CERT1: variants seen among roughly 807,000 people sequenced by gnomAD.
CERT1 encodes the protein ceramide transfer protein.
In CERT1, 31 loss-of-function variants were observed where a neutral mutation model predicts 87.9. That is an observed-to-expected ratio of 0.35 (90% confidence interval 0.27 to 0.48). The LOEUF is 0.48. Among genes scored for constraint, CERT1 ranks in the 20% least tolerant of loss-of-function variants. The pLI is 0.99. For missense variants in CERT1, 487 were observed against 758.0 expected (o/e 0.64, Z 4.20); for synonymous variants, 289 against 250.9 (o/e 1.15, Z -1.44).
intron 3 of CERT1, among the ~76,000 whole-genome samples, chr5:75,447,094 G>A (rs1222244116): frequency 6.6e-6 from 1 of 152,234 alleles, no homozygotes; most frequent in Admixed American, 6.5e-5. Flanking sequence ...CACATGCACA[G>A]CTGCCTGCCA....
chr5:75,505,886 C>T (rs1428079188), intron 2 of CERT1, 96 bp downstream of exon 2: 1 of 896,790 alleles, frequency 1.1e-6, no homozygotes, highest in Non-Finnish European at 1.7e-6. Flanking sequence ...GGATCTTTAT[C>T]TTATCCACGG....
intron 3 of CERT1, among the ~76,000 whole-genome samples, chr5:75,436,437 T>C (rs1411814504): frequency 6.6e-6 from 1 of 152,220 alleles, no homozygotes; most frequent in Non-Finnish European, 1.5e-5. Flanking sequence ...TCTTCTTTTC[T>C]GAGACACAAT....
In CERT1 at chr5:75,411,006, C is replaced by G; in HGVS notation, c.930+5G>C. ...TTTCTCTAAGATCAAAATATAAATTCATACTTCATAATCTGGTCCTCCAAA... is the reference window on the plus strand; with the variant it reads ...TTTCTCTAAGATCAAAATATAAATTGATACTTCATAATCTGGTCCTCCAAA... On this transcript the variant is annotated splice_donor_5th_base_variant and intron_variant, in intron 8 of 16. Coordinates refer to ENST00000643780, the MANE Select transcript of CERT1 (RefSeq NM_001379029.1). 1.4e-6 allele frequency: 2 copies of G among 1,478,298 alleles called. No homozygotes were observed. The highest frequency in any genetic ancestry group is 1.9e-6 in the Non-Finnish European group (2 of 1,075,332). The allele number at this position is 1,478,298 out of a possible 1,614,324, so 91.6% of individuals were successfully genotyped here. A position where few individuals can be genotyped will look rare whatever the true frequency, so the allele number is the denominator to read the frequency against.
intron 1 of CERT1, among the ~76,000 whole-genome samples, chr5:75,506,545 G>A (rs1222980752): frequency 6.6e-6 from 1 of 152,160 alleles, no homozygotes. Flanking sequence ...TGACACCAAA[G>A]ACTGCATGAA....
chr5:75,460,941 A>C (rs982001894), intron 2 of CERT1, among the ~76,000 whole-genome samples: 5 of 152,218 alleles, frequency 3.3e-5, no homozygotes, highest in African/African-American at 1.2e-4. Flanking sequence ...TGCTAGAAAG[A>C]AGCAAAAGGG....
At chr5:75,429,643 C>T (rs1024471806) in intron 3 of CERT1, among the ~76,000 whole-genome samples, 1 of 151,878 alleles carries the variant, frequency 6.6e-6, no homozygotes, top group African/African-American at 2.4e-5. Context: ...CTAAACGCAC[C>T]CCTATACTGA....
At chr5:75,428,378 T>C (rs1344971966) in intron 3 of CERT1, among the ~76,000 whole-genome samples, 1 of 152,084 alleles carries the variant, frequency 6.6e-6, no homozygotes. Flanking sequence ...TGAACACACA[T>C]TAATTTTAAA....
chr5:75,415,787 A>G (rs569286332), intron 7 of CERT1, among the ~76,000 whole-genome samples: 10 of 151,004 alleles, frequency 6.6e-5, no homozygotes, highest in East Asian at 2.0e-4. Flanking sequence ...GTGAACAGGG[A>G]CTCTTCTAAT....
At chr5:75,464,918 C>T (rs115830414) in intron 2 of CERT1, among the ~76,000 whole-genome samples, 3 of 152,074 alleles carry the variant, frequency 2.0e-5, no homozygotes, top group Non-Finnish European at 4.4e-5. Flanking sequence ...CTTTCTCTGG[C>T]GCTGTAATTT....
At chr5:75,485,320 A>AAAAAAAAAAAAAAAAAAG (rs1766468896) in intron 2 of CERT1, among the ~76,000 whole-genome samples, 1 of 147,408 alleles carries the variant, frequency 6.8e-6, no homozygotes, top group Admixed American at 6.7e-5. Context: ...TACAAAAAAA[A>AAAAAAAAAAAAAAAAAAG]AAAAAAAAAA....
chr5:75,425,095 G>A (rs575082960), intron 5 of CERT1, among the ~76,000 whole-genome samples: 8 of 152,216 alleles, frequency 5.3e-5, no homozygotes, highest in South Asian at 2.1e-4. Context: ...TCCAGCCTGG[G>A]CGATAGAATG....
At chr5:75,408,305 T>G (rs1762795016) in intron 8 of CERT1, among the ~76,000 whole-genome samples, 1 of 152,204 alleles carries the variant, frequency 6.6e-6, no homozygotes, top group Admixed American at 6.5e-5. Context: ...AACTTATGTC[T>G]TTAGGTGAAT....
intron 2 of CERT1, among the ~76,000 whole-genome samples, chr5:75,487,605 A>G (rs1766582747): frequency 6.6e-6 from 1 of 152,108 alleles, no homozygotes; most frequent in East Asian, 1.9e-4. Context: ...AGAATATACA[A>G]GGAGATGAGA....
chr5:75,383,747 A>G (rs756531269), intron 14 of CERT1, among the ~76,000 whole-genome samples: 10 of 152,198 alleles, frequency 6.6e-5, no homozygotes, highest in Non-Finnish European at 1.2e-4. Flanking sequence ...TGAATTGGAA[A>G]AACAAAGTAC....
At chr5:75,507,470 C>T (rs1397898608) in intron 1 of CERT1, among the ~76,000 whole-genome samples, 1 of 152,164 alleles carries the variant, frequency 6.6e-6, no homozygotes, top group Non-Finnish European at 1.5e-5. Context: ...CCCAAGCCAA[C>T]ATTTAACTCA....
intron 2 of CERT1, among the ~76,000 whole-genome samples, chr5:75,470,541 A>T (rs1455426933): frequency 6.6e-6 from 1 of 152,246 alleles, no homozygotes; most frequent in Non-Finnish European, 1.5e-5. Context: ...CAATAGATGC[A>T]GAAAAAGCAC....
At chr5:75,488,929 C>G (rs1766649643) in intron 2 of CERT1, among the ~76,000 whole-genome samples, 1 of 151,968 alleles carries the variant, frequency 6.6e-6, no homozygotes, top group Admixed American at 6.6e-5. Flanking sequence ...TTTTCAGAGC[C>G]CATATAGCCA....
chr5:75,484,335 A>G (rs75930101), intron 2 of CERT1, among the ~76,000 whole-genome samples: 11,751 of 151,816 alleles, frequency 0.077, 547 homozygotes, highest in South Asian at 0.17. Context: ...GAAAGAAAAA[A>G]AAGAAGACCA....
intron 5 of CERT1, among the ~76,000 whole-genome samples, chr5:75,421,445 C>T (rs926873088): frequency 6.6e-6 from 1 of 152,072 alleles, no homozygotes; most frequent in Non-Finnish European, 1.5e-5. Flanking sequence ...CTATTAATAC[C>T]CTGTATTCAT....
Sources: gnomAD v4.1 joint callset for allele counts (sites outside exome capture counted in the v4.1 genomes callset) on GRCh38, gnomAD v4.1.1 for gene constraint, MANE v1.5 for transcripts, NCBI Gene and HGNC (gene_info 2026-07-23, HGNC 2026-07-21) for gene names.